ERBB4: variants seen among roughly 807,000 people sequenced by gnomAD.
ERBB4 encodes the protein receptor tyrosine-protein kinase erbB-4.
In ERBB4, 42 loss-of-function variants were observed where a neutral mutation model predicts 158.0. That is an observed-to-expected ratio of 0.27 (90% CI 0.21 to 0.34). The LOEUF (loss-of-function observed/expected upper bound fraction) is 0.34. Ranked by LOEUF, ERBB4 falls within the 10% of genes least tolerant of loss-of-function variation. The probability of loss-of-function intolerance (pLI) is 1.00; values close to 1 mark genes in which losing one functional copy is unlikely to be tolerated. For missense variants in ERBB4, 1,333 were observed against 1,624.1 expected, an observed-to-expected ratio of 0.82 and a Z score of 3.08; for synonymous variants, 583 against 558.7, an observed-to-expected ratio of 1.04 and a Z score of -0.61.
At chr2:211,774,404 A>C (rs888177930) in intron 4 of ERBB4, among the ~76,000 whole-genome samples, 3 of 152,026 alleles carry the variant, frequency 2.0e-5, no homozygotes, top group Non-Finnish European at 2.9e-5. Flanking sequence ...TGGGGATAGT[A>C]AGCTAGGGCC....
At position 211,412,950 on chromosome 2, in the gene ERBB4, C is replaced by CAAA. The variant is rs113603752; in HGVS notation, c.3135+7488_3135+7490dup. On this transcript the variant is annotated intron_variant, in intron 25 of 27. Transcript: ENST00000342788. ...GCCTGGCAACAGAGTGGGACTGTCT[C>CAAA]AAAAAAAAAAAAAAAGAAAGAAAGA... Among the ~76,000 whole-genome samples, 218 of 121,092 alleles carry CAAA rather than the reference C, an allele frequency of 1.8e-3. 2 individuals carry two copies. The highest frequency in any genetic ancestry group is 4.5e-3 in the South Asian group (17 of 3,752). 79.4% of individuals were successfully genotyped at this position (121,092 alleles called of 152,430 possible). A position where few individuals can be genotyped will look rare whatever the true frequency, so the allele number is the denominator to read the frequency against.
chr2:212,314,030 T>G (rs1024560991), intron 1 of ERBB4, among the ~76,000 whole-genome samples: 1 of 151,084 alleles, frequency 6.6e-6, no homozygotes, highest in African/African-American at 2.4e-5. Flanking sequence ...TATAGTTAAA[T>G]CAGTTATAAG....
chr2:211,930,087 A>G (rs958418353), intron 3 of ERBB4, among the ~76,000 whole-genome samples: 1 of 152,110 alleles, frequency 6.6e-6, no homozygotes, highest in Non-Finnish European at 1.5e-5. Flanking sequence ...CAGATTTTCT[A>G]TTTTTTTAAC....
At chr2:211,468,518 G>A (rs560455484) in intron 20 of ERBB4, among the ~76,000 whole-genome samples, 3 of 152,076 alleles carry the variant, frequency 2.0e-5, no homozygotes, top group Admixed American at 6.6e-5. Context: ...AAATCTGGAC[G>A]TTATAGATAC....
chr2:212,277,787 G>A (rs548173510), intron 1 of ERBB4, among the ~76,000 whole-genome samples: 34 of 151,754 alleles, frequency 2.2e-4, no homozygotes, highest in South Asian at 8.3e-4. Flanking sequence ...AGAACAGGAC[G>A]TGGTAGGTGC....
intron 7 of ERBB4, among the ~76,000 whole-genome samples, chr2:211,716,424 C>T (rs1280500652): frequency 1.4e-5 from 2 of 146,542 alleles, no homozygotes. Context: ...CGCCTGTAAT[C>T]CCAGCACTTT....
chr2:212,003,155 A>AAGAAAGAAAGAG, intron 2 of ERBB4, among the ~76,000 whole-genome samples: 1 of 16,426 alleles, frequency 6.1e-5, no homozygotes, highest in African/African-American at 9.5e-5. Context: ...GAAGGAAAGA[A>AAGAAAGAAAGAG]AGAAAGAAAG....
At chr2:212,481,311 A>C (rs1480317534) in intron 1 of ERBB4, among the ~76,000 whole-genome samples, 1 of 152,174 alleles carries the variant, frequency 6.6e-6, no homozygotes, top group Non-Finnish European at 1.5e-5. Context: ...TTAATGCATT[A>C]GTATGTTAAA....
intron 4 of ERBB4, among the ~76,000 whole-genome samples, chr2:211,763,262 G>A (rs549921385): frequency 6.6e-6 from 1 of 152,218 alleles, no homozygotes; most frequent in Non-Finnish European, 1.5e-5. Context: ...CTGATAATCT[G>A]TGTGTAGTAT....
In ERBB4 at chr2:211,424,305, T is replaced by C; in HGVS notation, c.2720-4A>G. 6.2e-7 allele frequency: 1 copy of C among 1,610,324 alleles called. No individual in the cohort carries two copies. The highest frequency in any genetic ancestry group is 8.5e-7 in the Non-Finnish European group (1 of 1,177,114). On this transcript the variant is annotated splice_polypyrimidine_tract_variant and splice_region_variant and intron_variant, in intron 22 of 27. Coordinates refer to ENST00000342788, the MANE Select transcript of ERBB4 (RefSeq NM_005235.3). Reference sequence around the variant, plus strand: ...ATCAGTTCCCATATAGTAACTCCTATATTGGAGAAAAAATTCTTACTTAAG... The same window carrying C: ...ATCAGTTCCCATATAGTAACTCCTACATTGGAGAAAAAATTCTTACTTAAG...
At chr2:211,667,418 T>C (rs1057309428) in intron 14 of ERBB4, among the ~76,000 whole-genome samples, 8 of 151,172 alleles carry the variant, frequency 5.3e-5, no homozygotes, top group Non-Finnish European at 5.9e-5. Flanking sequence ...TCTATTTCAC[T>C]ATTTTGCTGT....
At chr2:211,511,769 G>A (rs986539831) in intron 20 of ERBB4, among the ~76,000 whole-genome samples, 1 of 151,966 alleles carries the variant, frequency 6.6e-6, no homozygotes, top group African/African-American at 2.4e-5. Context: ...AATGTATCTT[G>A]TAACCACGGT....
intron 5 of ERBB4, among the ~76,000 whole-genome samples, chr2:211,735,370 T>G (rs2074570293): frequency 6.6e-6 from 1 of 152,206 alleles, no homozygotes; most frequent in Admixed American, 6.5e-5. Flanking sequence ...AAAATTAGTT[T>G]TCTGACTCCT....
chr2:211,548,454 T>A (rs577216899), intron 20 of ERBB4, among the ~76,000 whole-genome samples: 4 of 152,102 alleles, frequency 2.6e-5, no homozygotes, highest in Admixed American at 6.5e-5. Context: ...TAAGCTCATT[T>A]AAAAAATTAT....
At chr2:212,121,534 C>A (rs1042705514) in intron 2 of ERBB4, among the ~76,000 whole-genome samples, 5 of 152,130 alleles carry the variant, frequency 3.3e-5, no homozygotes, top group Non-Finnish European at 7.4e-5. Context: ...TTGAACCACT[C>A]CTTGATCTTA....
At chr2:212,486,454 T>G (rs1277099448) in intron 1 of ERBB4, among the ~76,000 whole-genome samples, 1 of 152,160 alleles carries the variant, frequency 6.6e-6, no homozygotes, top group Non-Finnish European at 1.5e-5. Context: ...GTTTTCATGT[T>G]CAGGGTAATC....
chr2:212,327,690 T>C (rs1200046795), intron 1 of ERBB4, among the ~76,000 whole-genome samples: 3 of 150,792 alleles, frequency 2.0e-5, no homozygotes, highest in Non-Finnish European at 4.4e-5. Flanking sequence ...GAAAATAGTC[T>C]AAAACCCCTT....
At chr2:211,385,764 T>C (rs2062671722) in intron 27 of ERBB4, among the ~76,000 whole-genome samples, 1 of 152,170 alleles carries the variant, frequency 6.6e-6, no homozygotes, top group Non-Finnish European at 1.5e-5. Context: ...TTATATATTG[T>C]CCTCATGCAA....
intron 1 of ERBB4, among the ~76,000 whole-genome samples, chr2:212,228,639 T>C (rs888374588): frequency 6.6e-6 from 1 of 152,046 alleles, no homozygotes; most frequent in South Asian, 2.1e-4. Flanking sequence ...GTATGTGAGA[T>C]GGCAGATAAA....
Sources: gnomAD v4.1 joint callset for allele counts (sites outside exome capture counted in the v4.1 genomes callset) on GRCh38, gnomAD v4.1.1 for gene constraint, MANE v1.5 for transcripts, NCBI Gene and HGNC (gene_info 2026-07-23, HGNC 2026-07-21) for gene names.